Variants in FHIT observed in about 807,000 individuals in gnomAD.
The protein encoded by FHIT is fragile histidine triad diadenosine triphosphatase.
In FHIT, 19 loss-of-function variants were observed where a neutral mutation model predicts 17.9. That is an observed-to-expected ratio of 1.06 (90% CI 0.74 to 1.56). The LOEUF is 1.56. Among genes scored for constraint, FHIT ranks in the 40% most tolerant of loss-of-function variants. FHIT has a pLI of 0.00. For missense variants in FHIT, 248 were observed against 189.2 expected (o/e 1.31, Z -1.82); for synonymous variants, 81 against 69.7 (o/e 1.16, Z -0.81).
At chr3:59,903,970 G>A (rs1704457098) in intron 8 of FHIT, among the ~76,000 whole-genome samples, 1 of 152,140 alleles carries the variant, frequency 6.6e-6, no homozygotes, top group African/African-American at 2.4e-5. Flanking sequence ...GGGACTGGCT[G>A]AAATCAGAAC....
At chr3:61,235,351 T>C (rs910229852) in intron 1 of FHIT, among the ~76,000 whole-genome samples, 1 of 152,070 alleles carries the variant, frequency 6.6e-6, no homozygotes, top group Non-Finnish European at 1.5e-5. Context: ...ATCGACTCCA[T>C]AGAGTTGCTA....
In FHIT at chr3:60,572,321, T is replaced by G. The variant is rs9755753; in HGVS notation, c.-17-35342A>C. Among the ~76,000 whole-genome samples, 812 of 150,436 alleles carry G rather than the reference T, an allele frequency of 5.4e-3. 9 individuals carry two copies. Among genetic ancestry groups the G allele is most frequent in the African/African-American group, 0.019 (764 of 40,138 alleles). ...TTCTAAATATTTGAATGTTCATATA[T>G]ATAATTCTTTCTTTTTAATTACTCC... On this transcript the variant is annotated intron_variant, in intron 4 of 9. Transcript: ENST00000492590.
At chr3:61,161,799 C>T (rs2037702877) in intron 2 of FHIT, among the ~76,000 whole-genome samples, 1 of 152,188 alleles carries the variant, frequency 6.6e-6, no homozygotes, top group African/African-American at 2.4e-5. Flanking sequence ...AAACCAGTGA[C>T]ATTTTTTATC....
At chr3:60,736,358 T>A (rs2107999253) in intron 4 of FHIT, among the ~76,000 whole-genome samples, 1 of 151,918 alleles carries the variant, frequency 6.6e-6, no homozygotes, top group Middle Eastern at 3.4e-3. Flanking sequence ...AACCACATTA[T>A]TCTTAACAGC....
intron 8 of FHIT, among the ~76,000 whole-genome samples, chr3:59,883,145 G>A (rs939240736): frequency 6.6e-6 from 1 of 152,028 alleles, no homozygotes; most frequent in South Asian, 2.1e-4. Context: ...AGCTTAAAAA[G>A]CCATTAAAAA....
chr3:59,965,943 T>C (rs1707906572), intron 7 of FHIT, among the ~76,000 whole-genome samples: 1 of 152,136 alleles, frequency 6.6e-6, no homozygotes, highest in Non-Finnish European at 1.5e-5. Context: ...ATGAGACTTC[T>C]AGGGAGTATG....
At chr3:60,393,048 T>G (rs954387270) in intron 5 of FHIT, among the ~76,000 whole-genome samples, 4 of 152,172 alleles carry the variant, frequency 2.6e-5, no homozygotes, top group African/African-American at 9.6e-5. Flanking sequence ...TGTGAGAGTT[T>G]TGATGGAAAA....
intron 3 of FHIT, among the ~76,000 whole-genome samples, chr3:60,924,970 T>C (rs1707502724): frequency 6.6e-6 from 1 of 151,858 alleles, no homozygotes; most frequent in Admixed American, 6.6e-5. Context: ...TGATGGAAGA[T>C]CAAATGAATG....
chr3:60,447,138 C>T (rs962030411), intron 5 of FHIT, among the ~76,000 whole-genome samples: 5 of 151,972 alleles, frequency 3.3e-5, no homozygotes, highest in East Asian at 1.9e-4. Flanking sequence ...TGTGGACTCC[C>T]GGCTCAGCAC....
At chr3:60,173,771 CT>C (rs1184266823) in intron 5 of FHIT, among the ~76,000 whole-genome samples, 1 of 151,026 alleles carries the variant, frequency 6.6e-6, no homozygotes, top group Non-Finnish European at 1.5e-5. Context: ...GGTTTTCCCT[CT>C]TTCTCCCTCA....
At position 60,123,967 on chromosome 3, in the gene FHIT, A is replaced by AATAT. The variant is rs1176212050; in HGVS notation, c.104-109819_104-109816dup. On this transcript the variant is annotated intron_variant, in intron 5 of 9. Transcript: ENST00000492590. ...CTTCCATTAACAGAAATGCACTAAA[A>AATAT]ATATATATATATATATATATATATA... 6.3e-3 allele frequency among the ~76,000 whole-genome samples: 175 copies of AATAT among 27,724 alleles called. 2 individuals are homozygous for AATAT. Among genetic ancestry groups the AATAT allele is most frequent in the Middle Eastern group, 0.048 (2 of 42 alleles). 18.2% of individuals were successfully genotyped at this position (27,724 alleles called of 152,430 possible). A position where few individuals can be genotyped will look rare whatever the true frequency, so the allele number is the denominator to read the frequency against.
intron 5 of FHIT, among the ~76,000 whole-genome samples, chr3:60,037,980 T>G (rs1575948461): frequency 6.6e-6 from 1 of 151,968 alleles, no homozygotes; most frequent in South Asian, 2.1e-4. Flanking sequence ...TCCCAAAGTG[T>G]TGGGATTACA....
At chr3:59,982,007 C>A (rs1213786555) in intron 7 of FHIT, among the ~76,000 whole-genome samples, 1 of 151,990 alleles carries the variant, frequency 6.6e-6, no homozygotes, top group Non-Finnish European at 1.5e-5. Flanking sequence ...CAGTTGACTT[C>A]ACTTCTTTCT....
At chr3:61,095,226 A>G (rs181221523) in intron 2 of FHIT, among the ~76,000 whole-genome samples, 4 of 152,336 alleles carry the variant, frequency 2.6e-5, no homozygotes, top group South Asian at 4.1e-4. Flanking sequence ...TAATATCTAT[A>G]CAATGTTGAA....
rs77778009 is a variant in FHIT at position 60,435,126 on chromosome 3, C to T, written c.103+101734G>A. On this transcript the variant is annotated intron_variant, in intron 5 of 9. Coordinates refer to ENST00000492590, the MANE Select transcript of FHIT (RefSeq NM_002012.4). Reference sequence around the variant, plus strand: ...GCCAGCAGCAGGCCATTAGCATGCACAGCCTTTTCTCTTTGATTTGTGCTG... The same window carrying T: ...GCCAGCAGCAGGCCATTAGCATGCATAGCCTTTTCTCTTTGATTTGTGCTG... Among the ~76,000 whole-genome samples the T allele has an allele frequency of 3.2e-4, 48 of 152,264 alleles. No individual in the cohort carries two copies. In the East Asian group the frequency reaches 9.1e-3, roughly 29 times the overall value.
chr3:59,903,075 T>G (rs1480256655), intron 8 of FHIT, among the ~76,000 whole-genome samples: 1 of 152,204 alleles, frequency 6.6e-6, no homozygotes, highest in Non-Finnish European at 1.5e-5. Flanking sequence ...ATATATAATT[T>G]TTGTGAATCA....
At chr3:59,775,063 G>C (rs1702243318) in intron 8 of FHIT, among the ~76,000 whole-genome samples, 1 of 152,176 alleles carries the variant, frequency 6.6e-6, no homozygotes, top group Non-Finnish European at 1.5e-5. Context: ...ACTGCTCTGG[G>C]CTATAATTCC....
At chr3:60,915,989 T>C (rs1483173419) in intron 3 of FHIT, among the ~76,000 whole-genome samples, 1 of 152,166 alleles carries the variant, frequency 6.6e-6, no homozygotes, top group Admixed American at 6.5e-5. Context: ...TGTGAACATA[T>C]ACACACATTT....
intron 5 of FHIT, among the ~76,000 whole-genome samples, chr3:60,306,832 A>C (rs1369975309): frequency 6.6e-6 from 1 of 152,164 alleles, no homozygotes; most frequent in Non-Finnish European, 1.5e-5. Context: ...GGTGCTCGTC[A>C]GTGCTCAAAG....
Sources: allele counts gnomAD v4.1 joint callset (sites outside exome capture counted in the v4.1 genomes callset), GRCh38; gene constraint gnomAD v4.1.1; transcripts MANE v1.5; gene names NCBI Gene and HGNC (gene_info 2026-07-23, HGNC 2026-07-21).